Variants in RBFOX1 observed in about 807,000 individuals in gnomAD.
RBFOX1 encodes RNA binding protein fox-1 homolog 1.
A neutral mutation model predicts 57.7 loss-of-function variants in RBFOX1; 8 were observed. The ratio of observed to expected loss-of-function variants is 0.14; its 90% CI spans 0.08 to 0.25. The LOEUF (loss-of-function observed/expected upper bound fraction) is 0.25, where lower values mean the gene tolerates loss of function less well. Among genes scored for constraint, RBFOX1 ranks in the 10% least tolerant of loss-of-function variants. The pLI is 1.00. For missense variants in RBFOX1, 611 were observed against 548.5 expected (o/e 1.11, Z -1.14); for synonymous variants, 326 against 222.4 (o/e 1.47, Z -4.15).
intron 3 of RBFOX1, among the ~76,000 whole-genome samples, chr16:7,050,260 T>A (rs920175577): frequency 6.6e-6 from 1 of 150,892 alleles, no homozygotes; most frequent in African/African-American, 2.4e-5. Flanking sequence ...TCCTTTATTT[T>A]TATCTTTTTT....
chr16:6,379,667 T>C (rs1025060401), intron 2 of RBFOX1, among the ~76,000 whole-genome samples: 11 of 149,636 alleles, frequency 7.4e-5, no homozygotes, highest in African/African-American at 2.7e-4. Context: ...GAGCTGTGCA[T>C]TGGATTTAGC....
chr16:7,054,109 C>T (rs1250432455), intron 4 of RBFOX1, among the ~76,000 whole-genome samples: 1 of 147,088 alleles, frequency 6.8e-6, no homozygotes, highest in African/African-American at 2.5e-5. Flanking sequence ...CCATCTCTTT[C>T]TTCTTCCTTT....
intron 3 of RBFOX1, among the ~76,000 whole-genome samples, chr16:5,631,963 T>G (rs999831262): frequency 2.6e-5 from 4 of 152,170 alleles, no homozygotes; most frequent in African/African-American, 9.7e-5. Context: ...AAAGAAAGGT[T>G]AAGCCTCCAC....
chr16:6,561,315 A>G (rs1374449604), intron 2 of RBFOX1, among the ~76,000 whole-genome samples: 1 of 152,194 alleles, frequency 6.6e-6, no homozygotes, highest in Non-Finnish European at 1.5e-5. Context: ...TTCAGAATTA[A>G]TATGCATGCA....
intron 3 of RBFOX1, among the ~76,000 whole-genome samples, chr16:5,770,921 A>G (rs1329434939): frequency 1.3e-5 from 2 of 152,308 alleles, no homozygotes; most frequent in East Asian, 3.9e-4. Context: ...CAAGACAGGC[A>G]CAACCAGTTA....
chr16:6,200,651 A>C (rs2097209043), intron 1 of RBFOX1, among the ~76,000 whole-genome samples: 2 of 152,228 alleles, frequency 1.3e-5, no homozygotes, highest in Non-Finnish European at 2.9e-5. Context: ...AGAAATACAT[A>C]AATACTACAG....
At chr16:6,827,013 A>G (rs1354763176) in intron 3 of RBFOX1, among the ~76,000 whole-genome samples, 1 of 152,152 alleles carries the variant, frequency 6.6e-6, no homozygotes, top group Non-Finnish European at 1.5e-5. Context: ...CTGTAAACTA[A>G]CTTTTTAGTC....
At chr16:5,262,371 G>C (rs1477410505) in intron 1 of RBFOX1, among the ~76,000 whole-genome samples, 1 of 152,208 alleles carries the variant, frequency 6.6e-6, no homozygotes, top group Non-Finnish European at 1.5e-5. Flanking sequence ...TCCCCAATGT[G>C]GGTGAGCCTC....
chr16:6,258,324 ACT>A (rs148531152), intron 1 of RBFOX1, among the ~76,000 whole-genome samples: 3,879 of 152,222 alleles, frequency 0.025, 110 homozygotes, highest in African/African-American at 0.07. Flanking sequence ...GCAAAGATAC[ACT>A]GTCATTCACC....
chr16:7,315,005 C>T (rs1225374252), intron 4 of RBFOX1, among the ~76,000 whole-genome samples: 2 of 151,870 alleles, frequency 1.3e-5, no homozygotes, highest in Admixed American at 1.3e-4. Context: ...TTATTTTTTT[C>T]CTAATTGGAA....
At chr16:6,784,123 G>C (rs968271830) in intron 3 of RBFOX1, among the ~76,000 whole-genome samples, 17 of 151,916 alleles carry the variant, frequency 1.1e-4, no homozygotes, top group African/African-American at 3.9e-4. Context: ...GGTTTCATCT[G>C]CTTGGTGTTG....
At chr16:7,113,645 A>T (rs931287325) in intron 4 of RBFOX1, among the ~76,000 whole-genome samples, 1 of 152,218 alleles carries the variant, frequency 6.6e-6, no homozygotes, top group African/African-American at 2.4e-5. Context: ...CTTCTGACTC[A>T]ATATCCTTCC....
chr16:7,090,469 T>C (rs1205676294), intron 4 of RBFOX1, among the ~76,000 whole-genome samples: 1 of 152,132 alleles, frequency 6.6e-6, no homozygotes, highest in Non-Finnish European at 1.5e-5. Context: ...AAGAAATGCT[T>C]TGGAATCGTA....
intron 2 of RBFOX1, among the ~76,000 whole-genome samples, chr16:5,503,602 C>G (rs753629045): frequency 6.6e-6 from 1 of 152,132 alleles, no homozygotes. Context: ...AGCCACCACA[C>G]CAGGCTACTT....
chr16:7,080,830 C>T (rs1017410269), intron 4 of RBFOX1, among the ~76,000 whole-genome samples: 2 of 152,206 alleles, frequency 1.3e-5, no homozygotes, highest in Non-Finnish European at 2.9e-5. Context: ...TTCGCTGTCA[C>T]TTTGCCTCAA....
chr16:6,841,864 C>T (rs183586648), intron 3 of RBFOX1, among the ~76,000 whole-genome samples: 11 of 152,046 alleles, frequency 7.2e-5, no homozygotes, highest in Admixed American at 5.9e-4. Context: ...ACAGGCCGGG[C>T]GCGGTGGCTC....
At chr16:5,536,099 C>CG (rs113677236) in intron 2 of RBFOX1, among the ~76,000 whole-genome samples, 13 of 146,870 alleles carry the variant, frequency 8.9e-5, no homozygotes, top group African/African-American at 2.8e-4. Flanking sequence ...CATCAAGCCC[C>CG]CCCCCCCTTT....
At chr16:6,017,254 G>T (rs1422513784), upstream of RBFOX1, among the ~76,000 whole-genome samples, 2 of 152,174 alleles carry the variant, frequency 1.3e-5, no homozygotes, top group African/African-American at 4.8e-5. Flanking sequence ...AACAATTCCT[G>T]TTGGTGAATT....
intron 3 of RBFOX1, among the ~76,000 whole-genome samples, chr16:5,711,875 T>A (rs2051499904): frequency 6.6e-6 from 1 of 152,210 alleles, no homozygotes; most frequent in Admixed American, 6.5e-5. Flanking sequence ...AGCCTCTATT[T>A]ATTGAGTGCT....
Sources: allele counts gnomAD v4.1 joint callset (sites outside exome capture counted in the v4.1 genomes callset), GRCh38; gene constraint gnomAD v4.1.1; transcripts MANE v1.5; gene names NCBI Gene and HGNC (gene_info 2026-07-23, HGNC 2026-07-21).